The following TNR variants were observed in gnomAD, a reference collection of about 807,000 sequenced individuals.
TNR encodes tenascin R, also known as tenascin-R.
In TNR, 45 loss-of-function variants were observed where a neutral mutation model predicts 150.4. The observed-to-expected ratio is 0.30, with a 90% CI of 0.24 to 0.38. The LOEUF (loss-of-function observed/expected upper bound fraction) is 0.38, where lower values mean the gene tolerates loss of function less well. Ranked by LOEUF, TNR falls within the 10% of genes least tolerant of loss-of-function variation. TNR has a pLI of 1.00. For missense variants in TNR, 1,544 were observed against 1,759.1 expected, an observed-to-expected ratio of 0.88 and a Z score of 2.19; for synonymous variants, 687 against 678.4, an observed-to-expected ratio of 1.01 and a Z score of -0.20.
intron 2 of TNR, among the ~76,000 whole-genome samples, chr1:175,458,266 C>A (rs988515867): frequency 2.6e-5 from 4 of 152,016 alleles, no homozygotes; most frequent in African/African-American, 7.2e-5. Context: ...CTGTGTAAAC[C>A]ATTATGCTGT....
intron 1 of TNR, among the ~76,000 whole-genome samples, chr1:175,602,264 G>A (rs1203197946): frequency 2.1e-5 from 3 of 142,936 alleles, no homozygotes; most frequent in East Asian, 4.2e-4. Flanking sequence ...AAGGACATGC[G>A]ATCTACTCAT....
At chr1:175,508,898 G>T (rs560277209) in intron 2 of TNR, among the ~76,000 whole-genome samples, 181 of 152,260 alleles carry the variant, frequency 1.2e-3, no homozygotes, top group African/African-American at 4.2e-3. Flanking sequence ...CGACTTTCTT[G>T]TACTTCTCCC....
At chr1:175,433,864 G>A (rs952228246) in intron 2 of TNR, among the ~76,000 whole-genome samples, 4 of 152,142 alleles carry the variant, frequency 2.6e-5, no homozygotes, top group Admixed American at 1.3e-4. Flanking sequence ...ATTGCGTCAC[G>A]GAGACCACAG....
intron 1 of TNR, among the ~76,000 whole-genome samples, chr1:175,704,689 T>C (rs1420920921): frequency 6.6e-6 from 1 of 152,176 alleles, no homozygotes; most frequent in African/African-American, 2.4e-5. Flanking sequence ...TAATGGCTTG[T>C]ATTTTTGCTG....
chr1:175,662,037 A>G (rs1251079234), intron 1 of TNR, among the ~76,000 whole-genome samples: 1 of 151,996 alleles, frequency 6.6e-6, no homozygotes, highest in Non-Finnish European at 1.5e-5. Context: ...TGGCCTCCTG[A>G]CACTTGCCTG....
At chr1:175,742,506 C>T (rs1667957785) in intron 1 of TNR, among the ~76,000 whole-genome samples, 1 of 152,138 alleles carries the variant, frequency 6.6e-6, no homozygotes, top group African/African-American at 2.4e-5. Context: ...ATAACCCACA[C>T]CAGCCAGTCT....
intron 1 of TNR, among the ~76,000 whole-genome samples, chr1:175,604,039 C>G (rs1663334493): frequency 6.6e-6 from 1 of 152,136 alleles, no homozygotes; most frequent in Non-Finnish European, 1.5e-5. Flanking sequence ...CCATCAGACC[C>G]TGATCAGCTT....
chr1:175,392,317 A>G (rs1017878656), intron 6 of TNR, among the ~76,000 whole-genome samples: 1 of 152,122 alleles, frequency 6.6e-6, no homozygotes, highest in African/African-American at 2.4e-5. Flanking sequence ...TATTTATGGT[A>G]CCCAGGGTGC....
intron 1 of TNR, among the ~76,000 whole-genome samples, chr1:175,609,623 C>T (rs1201178387): frequency 6.6e-6 from 1 of 152,214 alleles, no homozygotes; most frequent in East Asian, 1.9e-4. Context: ...TTTGACTTTG[C>T]AGGGCTAGAG....
chr1:175,623,494 G>A (rs1402398864), intron 1 of TNR, among the ~76,000 whole-genome samples: 1 of 152,196 alleles, frequency 6.6e-6, no homozygotes, highest in African/African-American at 2.4e-5. Flanking sequence ...ACTATTGCCT[G>A]CAGGTGACCT....
intron 1 of TNR, among the ~76,000 whole-genome samples, chr1:175,731,458 A>G (rs1571800172): frequency 1.3e-5 from 2 of 152,240 alleles, no homozygotes; most frequent in East Asian, 3.8e-4. Flanking sequence ...CACAAACAAA[A>G]TGCAGGAAAT....
At chr1:175,516,841 C>G (rs759761826) in intron 2 of TNR, among the ~76,000 whole-genome samples, 6 of 152,120 alleles carry the variant, frequency 3.9e-5, no homozygotes, top group African/African-American at 7.2e-5. Flanking sequence ...AGTAATTATG[C>G]CTGTTTTCTT....
chr1:175,727,498 A>T (rs1268592746), intron 1 of TNR, among the ~76,000 whole-genome samples: 2 of 152,232 alleles, frequency 1.3e-5, no homozygotes, highest in East Asian at 3.9e-4. Flanking sequence ...GTTTTGCTGT[A>T]GATGGGAGCT....
At chr1:175,669,067 C>G (rs1665614814) in intron 1 of TNR, among the ~76,000 whole-genome samples, 1 of 152,216 alleles carries the variant, frequency 6.6e-6, no homozygotes, top group African/African-American at 2.4e-5. Context: ...AGGCCCTCCT[C>G]CTTTGTCAGA....
At chr1:175,388,974 A>G (rs1485495097) in intron 7 of TNR, among the ~76,000 whole-genome samples, 1 of 152,248 alleles carries the variant, frequency 6.6e-6, no homozygotes, top group Non-Finnish European at 1.5e-5. Context: ...CTTCAACTGC[A>G]ATGTTTTCTA....
At chr1:175,638,068 A>G (rs1171620275) in intron 1 of TNR, among the ~76,000 whole-genome samples, 1 of 152,208 alleles carries the variant, frequency 6.6e-6, no homozygotes, top group Non-Finnish European at 1.5e-5. Context: ...CTGCAGAAGC[A>G]TACCTCATAC....
intron 1 of TNR, among the ~76,000 whole-genome samples, chr1:175,700,266 C>T (rs1027786229): frequency 2.0e-5 from 3 of 147,698 alleles, no homozygotes; most frequent in African/African-American, 8.0e-5. Context: ...GCTGAGCTAA[C>T]ACAGCAATGG....
chr1:175,347,946 A>T (rs1243464300), intron 18 of TNR, among the ~76,000 whole-genome samples: 1 of 152,120 alleles, frequency 6.6e-6, no homozygotes, highest in Non-Finnish European at 1.5e-5. Context: ...AGGTATAAGA[A>T]TTAGAAGTAT....
At chr1:175,731,138 G>C (rs977791750) in intron 1 of TNR, among the ~76,000 whole-genome samples, 15 of 152,222 alleles carry the variant, frequency 9.9e-5, no homozygotes, top group Non-Finnish European at 2.2e-4. Context: ...AGATACTGCA[G>C]AGCCCATGAA....
Sources: gnomAD v4.1 joint callset for allele counts (sites outside exome capture counted in the v4.1 genomes callset) on GRCh38, gnomAD v4.1.1 for gene constraint, MANE v1.5 for transcripts, NCBI Gene and HGNC (gene_info 2026-07-23, HGNC 2026-07-21) for gene names.